CHD8: variants seen among roughly 807,000 people sequenced by gnomAD.
CHD8 encodes chromodomain helicase DNA binding protein 8, also known as ATP-dependent chromatin remodeler CHD8.
CHD8 carries 31 observed loss-of-function variants against 279.2 expected under a neutral mutation model. The ratio of observed to expected loss-of-function variants is 0.11; its 90% CI spans 0.08 to 0.15. CHD8 has a LOEUF of 0.15. CHD8 is among the 10% of genes least tolerant of loss of function. The pLI is 1.00. For missense variants in CHD8, 2,146 were observed against 3,230.5 expected, an observed-to-expected ratio of 0.66 and a Z score of 8.14; for synonymous variants, 1,081 against 1,139.6, an observed-to-expected ratio of 0.95 and a Z score of 1.04.
chr14:21,396,913 G>A (rs1283092368), intron 27 of CHD8: 1 of 153,838 alleles, frequency 6.5e-6, no homozygotes, highest in Non-Finnish European at 1.4e-5. Flanking sequence ...GGCAGGCCAG[G>A]TGCAAAACTT....
chr14:21,413,651 T>A (rs1888600813), intron 9 of CHD8: 1 of 152,826 alleles, frequency 6.5e-6, no homozygotes, highest in African/African-American at 2.4e-5. Context: ...TGCCTTGGCC[T>A]CCTGAAGCGC....
intron 7 of CHD8, 152 bp from the exon 8 acceptor site, chr14:21,415,145 T>C (rs1325058623): frequency 2.6e-5 from 16 of 612,254 alleles, no homozygotes; most frequent in South Asian, 2.1e-5. Flanking sequence ...ACTTCAATAA[T>C]AGAGGCCTGA....
rs1314826018 is a variant in CHD8 at position 21,436,934 on chromosome 14, T to C, written c.-215-5076A>G. 10 of 1,285,800 alleles carry C rather than the reference T, an allele frequency of 7.8e-6. No individual in the cohort carries two copies. In the African/African-American group the frequency reaches 1.2e-4, roughly 16 times the overall value. 79.6% of individuals were successfully genotyped at this position (1,285,800 alleles called of 1,614,324 possible). A position where few individuals can be genotyped will look rare whatever the true frequency, so the allele number is the denominator to read the frequency against. On this transcript the variant is annotated intron_variant, in intron 1 of 37. Coordinates refer to ENST00000646647, the MANE Select transcript of CHD8 (RefSeq NM_001170629.2). ...ACTGCCGGGGTTGGTGCCAGTAAGG[T>C]CCATACAGCAGAGGCGGAAGATTTC... is the stretch of plus-strand genomic sequence containing the variant.
intron 10 of CHD8, among the ~76,000 whole-genome samples, chr14:21,412,089 GAAAA>G (rs747487693): frequency 2.0e-5 from 3 of 151,758 alleles, no homozygotes; most frequent in Non-Finnish European, 4.4e-5. Flanking sequence ...AAAAGAAAAA[GAAAA>G]AAGAGAAAAA....
At chr14:21,444,631 CAT>C (rs933542380) in intron 1 of CHD8, among the ~76,000 whole-genome samples, 1 of 152,120 alleles carries the variant, frequency 6.6e-6, no homozygotes, top group African/African-American at 2.4e-5. Context: ...CACCCTCAAA[CAT>C]ATTTTTTTTC....
rs1029263216 is a variant in CHD8, at chr14:21,441,108, G to C, written c.-215-9250C>G. On this transcript the variant is annotated intron_variant, in intron 1 of 37. Transcript: ENST00000646647. ...CTAGTTTAAGTGGATACTCCTGCTGGGGAAGTCTTGACTTTGCAGGAGTAA... is the reference window on the plus strand; with the variant it reads ...CTAGTTTAAGTGGATACTCCTGCTGCGGAAGTCTTGACTTTGCAGGAGTAA... 1.9e-4 allele frequency among the ~76,000 whole-genome samples: 29 copies of C among 152,154 alleles called. 1 individual carries two copies. The highest frequency in any genetic ancestry group is 6.5e-4 in the African/African-American group (27 of 41,406).
chr14:21,390,680 A>C (rs1246918594), intron 37 of CHD8, among the ~76,000 whole-genome samples: 1 of 151,504 alleles, frequency 6.6e-6, no homozygotes, highest in Admixed American at 6.6e-5. Context: ...CAGGAGGCTG[A>C]TGCACGAGAA....
chr14:21,439,375 C>CA (rs879791161), intron 1 of CHD8, among the ~76,000 whole-genome samples: 2 of 152,154 alleles, frequency 1.3e-5, no homozygotes, highest in Non-Finnish European at 2.9e-5. Flanking sequence ...TCTCTAAAAC[C>CA]TCCCCCCTGT....
intron 5 of CHD8, among the ~76,000 whole-genome samples, chr14:21,423,668 C>T (rs900772811): frequency 6.6e-5 from 10 of 152,164 alleles, no homozygotes; most frequent in Non-Finnish European, 1.3e-4. Context: ...TCCCAAAGTG[C>T]AGTGATTACA....
At chr14:21,434,011 A>G (rs1370332335) in intron 1 of CHD8, among the ~76,000 whole-genome samples, 1 of 150,416 alleles carries the variant, frequency 6.6e-6, no homozygotes, top group East Asian at 2.0e-4. Flanking sequence ...TACAGCTAGG[A>G]GTAATATAAA....
chr14:21,418,043 C>T (rs998108712), intron 5 of CHD8, among the ~76,000 whole-genome samples: 7 of 151,566 alleles, frequency 4.6e-5, no homozygotes, highest in Non-Finnish European at 8.8e-5. Flanking sequence ...TACAAAGTCA[C>T]GTTTGTATAT....
intron 1 of CHD8, among the ~76,000 whole-genome samples, chr14:21,438,670 T>A (rs1035915718): frequency 6.6e-6 from 1 of 151,678 alleles, no homozygotes; most frequent in Non-Finnish European, 1.5e-5. Context: ...CCGTCTCTAC[T>A]AAAAATACAA....
intron 2 of CHD8, chr14:21,430,600 G>T: frequency 1.8e-6 from 1 of 559,446 alleles, no homozygotes; most frequent in East Asian, 2.9e-5. Context: ...TAAATGTGTA[G>T]TAAGAGCTCA....
At chr14:21,396,298 A>G (rs1398615411) in intron 27 of CHD8, among the ~76,000 whole-genome samples, 1 of 150,590 alleles carries the variant, frequency 6.6e-6, no homozygotes, top group Non-Finnish European at 1.5e-5. Flanking sequence ...GCCTGGCCTT[A>G]TTTTTATTTT....
At chr14:21,429,530 G>C in intron 2 of CHD8, 195 bp from the exon 3 acceptor site, 1 of 729,288 alleles carries the variant, frequency 1.4e-6, no homozygotes, top group Non-Finnish European at 2.5e-6. Context: ...TCGCTGTATT[G>C]CCCAGGCTAG....
At chr14:21,440,696 G>A (rs1299579933) in intron 1 of CHD8, among the ~76,000 whole-genome samples, 1 of 152,132 alleles carries the variant, frequency 6.6e-6, no homozygotes, top group African/African-American at 2.4e-5. Context: ...AGTGTAAATC[G>A]CGAAGAAGGA....
In CHD8 at chr14:21,385,497, C is replaced by A; in HGVS notation, c.*116G>T. On this transcript the variant is annotated 3_prime_UTR_variant, in exon 38 of 38. Transcript: ENST00000646647. Reference sequence around the variant, plus strand: ...TTTTTTTTTTTTTTCCTTTTCACCTCCTGGAGTCCTGGACTTCCCCACATC... The same window carrying A: ...TTTTTTTTTTTTTTCCTTTTCACCTACTGGAGTCCTGGACTTCCCCACATC... 1 of 1,389,874 alleles carries A rather than the reference C, an allele frequency of 7.2e-7. No homozygotes were observed. The highest frequency in any genetic ancestry group is 9.4e-7 in the Non-Finnish European group (1 of 1,067,484). The allele number at this position is 1,389,874 out of a possible 1,614,324, so 86.1% of individuals were successfully genotyped here. A position where few individuals can be genotyped will look rare whatever the true frequency, so the allele number is the denominator to read the frequency against.
rs569603835 is a variant in CHD8, at chr14:21,431,705, T to A, written c.-62A>T. 1.4e-5 allele frequency: 22 copies of A among 1,598,856 alleles called. No individual in the cohort carries two copies. In the African/African-American group the frequency reaches 2.7e-4, roughly 19 times the overall value. ...AGGGAGGGAAGGGGAGGGGGGGTAC[T>A]GGCTCTCCCCTCCCCTCCCCTATTA... On this transcript the variant is annotated 5_prime_UTR_variant, in exon 2 of 38. Transcript: ENST00000646647.
intron 1 of CHD8, among the ~76,000 whole-genome samples, chr14:21,437,592 C>T (rs1375405655): frequency 2.6e-5 from 4 of 152,132 alleles, no homozygotes; most frequent in African/African-American, 9.7e-5. Context: ...GAGGGTTCCG[C>T]GCTAGGCCAG....
Sources: gnomAD v4.1 joint callset for allele counts (sites outside exome capture counted in the v4.1 genomes callset) on GRCh38, gnomAD v4.1.1 for gene constraint, MANE v1.5 for transcripts, NCBI Gene and HGNC (gene_info 2026-07-23, HGNC 2026-07-21) for gene names.